DOCK2: variants seen among roughly 807,000 people sequenced by gnomAD.
The protein encoded by DOCK2 is dedicator of cytokinesis 2, also known as dedicator of cytokinesis protein 2.
Under a neutral mutation model 248.9 loss-of-function variants are expected in DOCK2, and 87 were observed. That is an observed-to-expected ratio of 0.35 (90% CI 0.29 to 0.42). The LOEUF (loss-of-function observed/expected upper bound fraction) is 0.42, where lower values mean the gene tolerates loss of function less well. Among genes scored for constraint, DOCK2 ranks in the 10% least tolerant of loss-of-function variants. The probability of loss-of-function intolerance (pLI) is 1.00; values close to 1 mark genes in which losing one functional copy is unlikely to be tolerated. For synonymous variants in DOCK2, 805 were observed against 821.6 expected (o/e 0.98, Z 0.35); for missense variants, 1,747 against 2,300.2 (o/e 0.76, Z 4.92).
chr5:169,995,625 C>T (rs963239809), intron 29 of DOCK2, among the ~76,000 whole-genome samples: 1 of 152,214 alleles, frequency 6.6e-6, no homozygotes, highest in South Asian at 2.1e-4. Flanking sequence ...TGTTGTTTAG[C>T]CCCATTTATC....
At chr5:170,057,848 A>G (rs1410778213) in intron 44 of DOCK2, among the ~76,000 whole-genome samples, 182 bp downstream of exon 44, 1 of 149,990 alleles carries the variant, frequency 6.7e-6, no homozygotes, top group Non-Finnish European at 1.5e-5. Flanking sequence ...TTTTTTTTTT[A>G]AGCATCAGAT....
At chr5:170,050,437 A>G in intron 41 of DOCK2, 40 bp downstream of exon 41, 2 of 1,592,928 alleles carry the variant, frequency 1.3e-6, no homozygotes, top group East Asian at 4.5e-5. Flanking sequence ...GCCAGACCTG[A>G]GCAGCCCTGC....
chr5:169,944,836 C>T (rs975276208), intron 27 of DOCK2, among the ~76,000 whole-genome samples: 3 of 152,196 alleles, frequency 2.0e-5, no homozygotes, highest in African/African-American at 7.2e-5. Context: ...AACAGCCTTC[C>T]TCCTCCATCT....
intron 27 of DOCK2, among the ~76,000 whole-genome samples, chr5:169,957,123 C>T (rs1467891621): frequency 6.6e-6 from 1 of 152,018 alleles, no homozygotes; most frequent in African/African-American, 2.4e-5. Flanking sequence ...CTGTCAGTGC[C>T]ATGAGGGCAG....
In DOCK2 at chr5:170,027,922, G is replaced by C; in HGVS notation, c.3441G>C (p.Glu1147Asp). ...DHEVEGGRGDEQYMQLLESIL... is the reference protein window; with the variant it reads ...DHEVEGGRGDDQYMQLLESIL... ...AGGTAGAAGGGGGCCGAGGCGACGA[G>C]CAGTACATGCAGCTCCTGGAGTCAA... is the stretch of plus-strand genomic sequence containing the variant. The change falls in exon 34 of 52, where the codon GAG becomes GAC. Residue 1147 changes from glutamate (E) to aspartate (D), a missense_variant. Coordinates refer to ENST00000520908, the MANE Select transcript of DOCK2 (RefSeq NM_004946.3). 1 of 1,613,550 alleles carries C rather than the reference G, an allele frequency of 6.2e-7. No individual in the cohort carries two copies. Among genetic ancestry groups the C allele is most frequent in the Non-Finnish European group, 8.5e-7 (1 of 1,179,626 alleles).
At chr5:169,881,325 G>A in intron 27 of DOCK2, 1 of 1,503,080 alleles carries the variant, frequency 6.7e-7, no homozygotes, top group South Asian at 1.2e-5. Flanking sequence ...CGGACCCTAT[G>A]GCTTTATGGT....
At chr5:169,853,165 C>T (rs1330585839) in intron 27 of DOCK2, among the ~76,000 whole-genome samples, 3 of 152,202 alleles carry the variant, frequency 2.0e-5, no homozygotes, top group African/African-American at 7.2e-5. Context: ...GTGAGATGTG[C>T]CTTTTATCTT....
At chr5:170,000,683 CTG>C (rs1274262096) in intron 30 of DOCK2, among the ~76,000 whole-genome samples, 2 of 147,460 alleles carry the variant, frequency 1.4e-5, no homozygotes, top group African/African-American at 5.4e-5. Flanking sequence ...CAGAAAGACT[CTG>C]TGTTAGGCAG....
chr5:169,790,356 T>C (rs1581192850), intron 25 of DOCK2, among the ~76,000 whole-genome samples: 1 of 152,120 alleles, frequency 6.6e-6, no homozygotes, highest in South Asian at 2.1e-4. Flanking sequence ...CAGTACGTGG[T>C]ATTATTATTC....
chr5:169,648,886 C>T (rs147568634), intron 1 of DOCK2, among the ~76,000 whole-genome samples: 9 of 152,352 alleles, frequency 5.9e-5, no homozygotes, highest in Non-Finnish European at 1.0e-4. Flanking sequence ...TTCCCTCTGG[C>T]TGTAATTCTT....
At chr5:169,688,722 G>A (rs1032449946) in intron 8 of DOCK2, among the ~76,000 whole-genome samples, 11 of 152,274 alleles carry the variant, frequency 7.2e-5, no homozygotes, top group Non-Finnish European at 1.6e-4. Context: ...CATTTAAACA[G>A]TTATTTAATT....
chr5:169,860,698 G>C (rs1012008475), intron 27 of DOCK2, among the ~76,000 whole-genome samples: 1 of 152,144 alleles, frequency 6.6e-6, no homozygotes, highest in African/African-American at 2.4e-5. Context: ...AAGGAATACT[G>C]AATCACATGA....
intron 48 of DOCK2, 66 bp from the exon 49 acceptor site, chr5:170,078,909 T>A: frequency 6.3e-7 from 1 of 1,580,150 alleles, no homozygotes; most frequent in Non-Finnish European, 8.6e-7. Context: ...GCTTCCTGGG[T>A]CCTTGCAAGG....
chr5:169,956,082 G>T (rs1396732915), intron 27 of DOCK2, among the ~76,000 whole-genome samples: 2 of 151,892 alleles, frequency 1.3e-5, no homozygotes, highest in Non-Finnish European at 2.9e-5. Flanking sequence ...TGGAGTCTGG[G>T]TTATCTTCCT....
At chr5:169,708,715 C>T (rs1761417998) in intron 15 of DOCK2, among the ~76,000 whole-genome samples, 1 of 152,116 alleles carries the variant, frequency 6.6e-6, no homozygotes, top group East Asian at 1.9e-4. Context: ...CAAGCGTGTG[C>T]CACCACACCA....
At chr5:169,987,980 A>C (rs958665212) in intron 29 of DOCK2, among the ~76,000 whole-genome samples, 2 of 152,168 alleles carry the variant, frequency 1.3e-5, no homozygotes, top group African/African-American at 4.8e-5. Context: ...CTATTTCATG[A>C]AAATTGCTTT....
At chr5:169,645,532 T>A (rs1470993487) in intron 1 of DOCK2, among the ~76,000 whole-genome samples, 1 of 152,226 alleles carries the variant, frequency 6.6e-6, no homozygotes, top group African/African-American at 2.4e-5. Context: ...CTTTGTCAGA[T>A]GAGTAGATTG....
intron 3 of DOCK2, 140 bp downstream of exon 3, chr5:169,669,468 C>T: frequency 3.4e-6 from 3 of 886,402 alleles, no homozygotes; most frequent in Non-Finnish European, 5.4e-6. Context: ...TGCTCTCTGA[C>T]CTCTGTGCCT....
intron 26 of DOCK2, among the ~76,000 whole-genome samples, chr5:169,821,536 G>T (rs1191229193): frequency 6.6e-6 from 1 of 152,072 alleles, no homozygotes; most frequent in Non-Finnish European, 1.5e-5. Context: ...CATAAGTGAA[G>T]GAGAAATAAA....
Sources: allele counts gnomAD v4.1 joint callset (sites outside exome capture counted in the v4.1 genomes callset), GRCh38; gene constraint gnomAD v4.1.1; transcripts MANE v1.5; gene names NCBI Gene and HGNC (gene_info 2026-07-23, HGNC 2026-07-21).